Variants in KDM3A observed in about 807,000 individuals in gnomAD.
KDM3A encodes the protein lysine-specific demethylase 3A.
A neutral mutation model predicts 158.0 loss-of-function variants in KDM3A; 60 were observed. The ratio of observed to expected loss-of-function variants is 0.38; its 90% CI spans 0.31 to 0.47. The LOEUF is 0.47. Among genes scored for constraint, KDM3A ranks in the 20% least tolerant of loss-of-function variants. KDM3A has a pLI of 0.99. For synonymous variants in KDM3A, 608 were observed against 549.3 expected, an observed-to-expected ratio of 1.11 and a Z score of -1.49; for missense variants, 1,319 against 1,574.3, an observed-to-expected ratio of 0.84 and a Z score of 2.74.
At chr2:86,482,395 A>G in intron 17 of KDM3A, 63 bp from the exon 18 acceptor site, 13 of 1,580,062 alleles carry the variant, frequency 8.2e-6, no homozygotes, top group African/African-American at 1.4e-5. Context: ...TCATTATGGG[A>G]ATGGAGTTTC....
At chr2:86,442,266 G>C (rs1320553303) in intron 2 of KDM3A, 33 bp downstream of exon 2, 6 of 1,574,524 alleles carry the variant, frequency 3.8e-6, no homozygotes, top group Non-Finnish European at 5.2e-6. Context: ...GCCACCGGAC[G>C]TTTCGCAGTT....
chr2:86,475,047 A>C, intron 12 of KDM3A, 57 bp downstream of exon 12: 1 of 1,366,584 alleles, frequency 7.3e-7, no homozygotes, highest in South Asian at 1.2e-5. Flanking sequence ...TTTGTTCCTA[A>C]GTGACACCTA....
At chr2:86,441,514 G>C (rs1168896485) in intron 1 of KDM3A, 70 bp downstream of exon 1, 1 of 151,464 alleles carries the variant, frequency 6.6e-6, no homozygotes, top group South Asian at 2.1e-4. Context: ...GCGCGGCCCC[G>C]TCGCCCGTTG....
At chr2:86,470,485 C>T in intron 11 of KDM3A, 77 bp downstream of exon 11, 1 of 1,198,932 alleles carries the variant, frequency 8.3e-7, no homozygotes, top group Non-Finnish European at 1.2e-6. Context: ...TTTTGTTACT[C>T]TTTTATCAAC....
chr2:86,475,881 C>T (rs780722756), intron 12 of KDM3A, among the ~76,000 whole-genome samples: 1 of 152,162 alleles, frequency 6.6e-6, no homozygotes, highest in Non-Finnish European at 1.5e-5. Flanking sequence ...AACAACCTAG[C>T]TTAAGCACAA....
At position 86,466,828 on chromosome 2, in the gene KDM3A, A is replaced by C. The variant is rs778416312; in HGVS notation, c.1464A>C (p.Ser488=). The change falls in exon 10 of 26, where the codon TCA becomes TCC. Residue 488 remains serine (S), a synonymous_variant. Transcript: ENST00000312912. The part of the protein sequence containing the change: ...ACRSQNLKES[S]VKVDNESCCS... ...GATCACAGAATTTAAAGGAATCTTC[A>C]GTAAAAGTAGATAATGAAAGCTGTT... 1 of 1,611,754 alleles carries C rather than the reference A, an allele frequency of 6.2e-7. No individual in the cohort carries two copies. Among genetic ancestry groups the C allele is most frequent in the African/African-American group, 1.3e-5 (1 of 74,772 alleles).
At chr2:86,483,746 GAT>G (rs1674050158) in intron 18 of KDM3A, 1 of 334,842 alleles carries the variant, frequency 3.0e-6, no homozygotes, top group Non-Finnish European at 5.5e-6. Context: ...TAGGAGAGGT[GAT>G]CCTTTCTCCT....
chr2:86,483,970 T>G lies in KDM3A; in HGVS notation c.2923-17T>G. The G allele has an allele frequency of 6.2e-7, 1 of 1,601,586 alleles. No individual in the cohort carries two copies. On this transcript the variant is annotated splice_polypyrimidine_tract_variant and intron_variant, in intron 18 of 25. Transcript: ENST00000312912. The stretch of plus-strand genomic sequence containing the variant: ...GCTGGCAGAGTTCAGACTAAAGTTT[T>G]CCTTCTCTTCATTTAGCCAGTGATG...
chr2:86,455,407 C>T (rs1225897353), intron 5 of KDM3A, among the ~76,000 whole-genome samples: 3 of 151,792 alleles, frequency 2.0e-5, no homozygotes, highest in Non-Finnish European at 4.4e-5. Flanking sequence ...CACGCACCAC[C>T]ACACCCGGCT....
At chr2:86,463,598 A>C (rs1204139242) in intron 8 of KDM3A, among the ~76,000 whole-genome samples, 1 of 152,252 alleles carries the variant, frequency 6.6e-6, no homozygotes, top group African/African-American at 2.4e-5. Context: ...TCTGGGTACC[A>C]AATAGGCATC....
At chr2:86,446,537 A>G (rs902786546) in intron 2 of KDM3A, among the ~76,000 whole-genome samples, 7 of 152,208 alleles carry the variant, frequency 4.6e-5, no homozygotes, top group Middle Eastern at 3.4e-3. Context: ...GGTGAAACCC[A>G]GTCTCTACTA....
At position 86,491,169 on chromosome 2, in the gene KDM3A, T is replaced by C; in HGVS notation, c.3779T>C (p.Val1260Ala). ...CATAACTTATATAGCTGCATCAAAG[T>C]GGCTGAAGATTTTGTTTCTCCAGAG... ...QVHNLYSCIK[V>A]AEDFVSPEHV... The change falls in exon 25 of 26, where the codon GTG becomes GCG. Residue 1260 changes from valine (V) to alanine (A), a missense_variant. Around this residue, in one of 4 missense-constraint regions of KDM3A, gnomAD observed 186 missense variants for 340.9 expected, o/e 0.55. Coordinates refer to ENST00000312912, the MANE Select transcript of KDM3A (RefSeq NM_018433.6). 2 of 1,614,070 alleles carry C rather than the reference T, an allele frequency of 1.2e-6. No homozygotes were observed. The highest frequency in any genetic ancestry group is 8.5e-7 in the Non-Finnish European group (1 of 1,179,918).
chr2:86,489,970 GTT>G (rs1674378291), intron 23 of KDM3A: 1 of 224,474 alleles, frequency 4.5e-6, no homozygotes, highest in African/African-American at 2.3e-5. Context: ...GCATATATCT[GTT>G]TTTATTGCCT....
At chr2:86,479,332 C>G (rs1338965595) in intron 15 of KDM3A, 1 of 152,188 alleles carries the variant, frequency 6.6e-6, no homozygotes, top group African/African-American at 2.4e-5. Flanking sequence ...CAGAAATTTA[C>G]ATTTCTATAA....
chr2:86,453,669 A>C (rs1427987209), intron 4 of KDM3A, among the ~76,000 whole-genome samples: 1 of 152,216 alleles, frequency 6.6e-6, no homozygotes, highest in Non-Finnish European at 1.5e-5. Flanking sequence ...GAAATTGCAT[A>C]AACAATACAT....
Position 86,466,896 on chromosome 2 carries a change from C to A in KDM3A, c.1519+13C>A. The A allele has an allele frequency of 6.4e-7, 1 of 1,565,294 alleles. No homozygotes were observed. The highest frequency in any genetic ancestry group is 1.2e-5 in the South Asian group (1 of 84,852). On this transcript the variant is annotated intron_variant, in intron 10 of 25. Coordinates refer to ENST00000312912, the MANE Select transcript of KDM3A (RefSeq NM_018433.6). Reference sequence around the variant, plus strand: ...AAAATCCAGAATGGTGAGTGTTTCTCAATATCTTTATTGGTAGAAGGTAAG... The same window carrying A: ...AAAATCCAGAATGGTGAGTGTTTCTAAATATCTTTATTGGTAGAAGGTAAG...
chr2:86,450,963 AGTT>A (rs1672434706), intron 3 of KDM3A, 137 bp from the exon 4 acceptor site: 2 of 561,182 alleles, frequency 3.6e-6, no homozygotes, highest in African/African-American at 1.9e-5. Flanking sequence ...CTGCATAAAT[AGTT>A]GTTATGAGAT....
chr2:86,448,458 C>T (rs1683041712), intron 2 of KDM3A, among the ~76,000 whole-genome samples: 1 of 152,164 alleles, frequency 6.6e-6, no homozygotes, highest in Non-Finnish European at 1.5e-5. Context: ...AAAGCAGAGA[C>T]AGACTTTGAC....
chr2:86,478,645 A>G lies in KDM3A; in HGVS notation c.2226A>G (p.Arg742=). ...TTGGAGACATTGTTCATTCTGTAAG[A>G]GCGAAATGGGGAATAAAGGCAAACT... is the stretch of plus-strand genomic sequence containing the variant. ...YDVGDIVHSV[R]AKWGIKANCP... Residue 742 remains arginine, a synonymous_variant, in exon 15 of 26, where the codon AGA becomes AGG. Coordinates refer to ENST00000312912, the MANE Select transcript of KDM3A (RefSeq NM_018433.6). The G allele has an allele frequency of 6.2e-7, 1 of 1,614,056 alleles. No homozygotes were observed. Among genetic ancestry groups the G allele is most frequent in the Non-Finnish European group, 8.5e-7 (1 of 1,179,914 alleles).
Sources: gnomAD v4.1 joint callset for allele counts (sites outside exome capture counted in the v4.1 genomes callset) on GRCh38, gnomAD v4.1.1 for gene constraint, gnomAD v4.1.1 regional missense constraint, MANE v1.5 for transcripts, NCBI Gene and HGNC (gene_info 2026-07-23, HGNC 2026-07-21) for gene names.